Variants in GPC5 observed in about 807,000 individuals in gnomAD.
GPC5 encodes the protein glypican-5.
Under a neutral mutation model 53.9 loss-of-function variants are expected in GPC5, and 47 were observed. The ratio of observed to expected loss-of-function variants is 0.87; its 90% CI spans 0.69 to 1.11. The LOEUF is 1.11. GPC5 is among the 50% of genes most tolerant of loss of function. The probability of loss-of-function intolerance (pLI) is 0.00; values close to 1 mark genes in which losing one functional copy is unlikely to be tolerated. For missense variants in GPC5, 748 were observed against 713.1 expected, an observed-to-expected ratio of 1.05 and a Z score of -0.56; for synonymous variants, 286 against 263.3, an observed-to-expected ratio of 1.09 and a Z score of -0.84.
intron 7 of GPC5, among the ~76,000 whole-genome samples, chr13:92,713,210 C>T (rs1027550253): frequency 5.3e-5 from 8 of 151,764 alleles, no homozygotes; most frequent in African/African-American, 1.9e-4. Context: ...ATAAAGAACT[C>T]GAAAGAAAAA....
chr13:92,217,736 A>T (rs1446811683), intron 7 of GPC5, among the ~76,000 whole-genome samples: 2 of 152,062 alleles, frequency 1.3e-5, no homozygotes, highest in Non-Finnish European at 2.9e-5. Context: ...AACATTCAGG[A>T]TCACAAGCTT....
At chr13:92,570,696 A>C (rs1190127097) in intron 7 of GPC5, among the ~76,000 whole-genome samples, 1 of 152,160 alleles carries the variant, frequency 6.6e-6, no homozygotes, top group Non-Finnish European at 1.5e-5. Flanking sequence ...ATGGAGGAAA[A>C]TCCATATACA....
intron 7 of GPC5, among the ~76,000 whole-genome samples, chr13:92,373,013 CTGTT>C (rs2043663947): frequency 6.6e-6 from 1 of 152,132 alleles, no homozygotes; most frequent in Non-Finnish European, 1.5e-5. Context: ...AATATTTACA[CTGTT>C]TATTTCACAA....
At chr13:91,603,526 A>G (rs1283984663) in intron 2 of GPC5, among the ~76,000 whole-genome samples, 1 of 152,244 alleles carries the variant, frequency 6.6e-6, no homozygotes, top group Non-Finnish European at 1.5e-5. Context: ...CTATGTCCAC[A>G]GGGATATCTT....
Position 91,470,067 on chromosome 13 carries a change from C to T in GPC5, c.325+21145C>T, listed in dbSNP as rs190772146. Among the ~76,000 whole-genome samples the T allele has an allele frequency of 1.3e-4, 20 of 152,178 alleles. No individual in the cohort carries two copies. In the East Asian group the frequency reaches 3.3e-3, roughly 25 times the overall value. ...ACAACAATAACAACAACAAACCCTC[C>T]CCACTCCCACCACAGGTTTTGAAGT... On this transcript the variant is annotated intron_variant, in intron 2 of 7. Transcript: ENST00000377067.
rs142218544 is a variant in GPC5 at position 91,402,846 on chromosome 13, A to G, written c.163+3637A>G. ...GATTATTTTTAAATTTGGGAAATGT[A>G]TTTTTATCTAAAGTGATATCCGTTA... On this transcript the variant is annotated intron_variant, in intron 1 of 7. Coordinates refer to ENST00000377067, the MANE Select transcript of GPC5 (RefSeq NM_004466.6). Among the ~76,000 whole-genome samples, 1,244 of 152,290 alleles carry G rather than the reference A, an allele frequency of 8.2e-3. 22 individuals carry two copies. The highest frequency in any genetic ancestry group is 0.028 in the African/African-American group (1,177 of 41,566).
intron 5 of GPC5, among the ~76,000 whole-genome samples, chr13:91,830,813 C>T (rs1322621119): frequency 1.6e-5 from 2 of 126,740 alleles, no homozygotes; most frequent in African/African-American, 3.0e-5. Context: ...AATATATATC[C>T]TATTATATAT....
intron 7 of GPC5, among the ~76,000 whole-genome samples, chr13:92,718,874 G>C (rs955879321): frequency 1.4e-5 from 2 of 144,610 alleles, no homozygotes; most frequent in East Asian, 4.3e-4. Flanking sequence ...TTGGGCAACA[G>C]AGTGAGACTC....
At chr13:92,346,128 A>C (rs960461570) in intron 7 of GPC5, among the ~76,000 whole-genome samples, 2 of 152,074 alleles carry the variant, frequency 1.3e-5, no homozygotes, top group East Asian at 3.9e-4. Flanking sequence ...GCTTGACCTG[A>C]GCCATCAAAT....
At chr13:91,505,078 G>A (rs1402327682) in intron 2 of GPC5, among the ~76,000 whole-genome samples, 1 of 152,128 alleles carries the variant, frequency 6.6e-6, no homozygotes, top group Non-Finnish European at 1.5e-5. Context: ...ACATGCTTGT[G>A]TATATATATT....
intron 7 of GPC5, chr13:92,447,938 C>T (rs781076772): frequency 3.5e-4 from 53 of 152,120 alleles, no homozygotes; most frequent in Middle Eastern, 6.8e-3. Context: ...CCAATTTGTT[C>T]GTAATTATTC....
At chr13:91,568,201 A>T (rs886687618) in intron 2 of GPC5, among the ~76,000 whole-genome samples, 4 of 152,182 alleles carry the variant, frequency 2.6e-5, no homozygotes, top group Non-Finnish European at 5.9e-5. Context: ...GTGAGAATGG[A>T]CTAATGCAGA....
intron 3 of GPC5, among the ~76,000 whole-genome samples, chr13:91,726,222 G>A (rs2036573727): frequency 6.6e-6 from 1 of 152,048 alleles, no homozygotes; most frequent in Non-Finnish European, 1.5e-5. Flanking sequence ...CATTTGCCCG[G>A]CCCTGTTGAC....
intron 1 of GPC5, among the ~76,000 whole-genome samples, chr13:91,444,233 G>A (rs1050032394): frequency 5.9e-5 from 9 of 151,884 alleles, no homozygotes; most frequent in Non-Finnish European, 1.3e-4. Context: ...TTTTTATCCT[G>A]AGTACTATCA....
intron 7 of GPC5, among the ~76,000 whole-genome samples, chr13:92,394,400 C>A (rs9516070): frequency 0.41 from 62,971 of 151,820 alleles, 14,595 homozygotes; most frequent in East Asian, 0.54. Context: ...AGGAAGGTAG[C>A]ACTACCATGA....
At chr13:92,422,094 A>G (rs2139363357) in intron 7 of GPC5, among the ~76,000 whole-genome samples, 1 of 151,594 alleles carries the variant, frequency 6.6e-6, no homozygotes, top group East Asian at 2.0e-4. Flanking sequence ...CACAGACTAG[A>G]GATGGCTTAA....
At chr13:92,230,362 GTATGTAA>G (rs1251980225) in intron 7 of GPC5, among the ~76,000 whole-genome samples, 1 of 152,094 alleles carries the variant, frequency 6.6e-6, no homozygotes, top group Non-Finnish European at 1.5e-5. Context: ...TAGTCATATT[GTATGTAA>G]TACTGGTTAC....
chr13:92,353,957 G>T (rs181322541), intron 7 of GPC5, among the ~76,000 whole-genome samples: 3 of 152,158 alleles, frequency 2.0e-5, no homozygotes, highest in African/African-American at 7.2e-5. Context: ...ATTGAAATAC[G>T]TGTCTTTTTT....
chr13:91,767,150 C>A (rs2037541441), intron 5 of GPC5, among the ~76,000 whole-genome samples: 1 of 152,144 alleles, frequency 6.6e-6, no homozygotes, highest in Non-Finnish European at 1.5e-5. Context: ...AGTGAAGTTT[C>A]TTTTATGAGT....
Sources: allele counts gnomAD v4.1 joint callset (sites outside exome capture counted in the v4.1 genomes callset), GRCh38; gene constraint gnomAD v4.1.1; transcripts MANE v1.5; gene names NCBI Gene and HGNC (gene_info 2026-07-23, HGNC 2026-07-21).